MSRA: variants seen among roughly 807,000 people sequenced by gnomAD.
MSRA encodes mitochondrial peptide methionine sulfoxide reductase.
Under a neutral mutation model 31.3 loss-of-function variants are expected in MSRA, and 54 were observed. The observed-to-expected ratio is 1.73, with a 90% CI of 1.39 to 2.17. The LOEUF (loss-of-function observed/expected upper bound fraction) is 2.17. Among genes scored for constraint, MSRA ranks in the 30% most tolerant of loss-of-function variants. MSRA has a pLI of 0.00. For missense variants in MSRA, 507 were observed against 300.9 expected, an observed-to-expected ratio of 1.69 and a Z score of -5.07; for synonymous variants, 169 against 116.5, an observed-to-expected ratio of 1.45 and a Z score of -2.90.
At chr8:10,160,194 G>T (rs944726086) in intron 1 of MSRA, among the ~76,000 whole-genome samples, 4 of 152,148 alleles carry the variant, frequency 2.6e-5, no homozygotes, top group African/African-American at 9.7e-5. Context: ...CCCAACAGGT[G>T]ATTAGAAATA....
chr8:10,372,601 C>T (rs143456840), intron 5 of MSRA, among the ~76,000 whole-genome samples: 112 of 152,262 alleles, frequency 7.4e-4, no homozygotes, highest in Admixed American at 1.2e-3. Flanking sequence ...ACCTCCCTCC[C>T]TCTCTCTTTC....
At chr8:10,076,968 A>G (rs940222869) in intron 1 of MSRA, among the ~76,000 whole-genome samples, 1 of 151,340 alleles carries the variant, frequency 6.6e-6, no homozygotes, top group Non-Finnish European at 1.5e-5. Context: ...TAATGGGTTG[A>G]TAGGTAAATG....
At chr8:10,339,903 T>A (rs1803313343) in intron 5 of MSRA, among the ~76,000 whole-genome samples, 1 of 152,116 alleles carries the variant, frequency 6.6e-6, no homozygotes. Flanking sequence ...GACCCTATGG[T>A]CTGCCCTTCT....
At chr8:10,104,814 C>T (rs1025805255) in intron 1 of MSRA, among the ~76,000 whole-genome samples, 3 of 152,138 alleles carry the variant, frequency 2.0e-5, no homozygotes, top group Non-Finnish European at 2.9e-5. Context: ...CTTTGGAATG[C>T]CCTTGGCCAA....
intron 5 of MSRA, among the ~76,000 whole-genome samples, chr8:10,404,782 G>A (rs912301482): frequency 3.3e-5 from 5 of 152,326 alleles, no homozygotes; most frequent in Middle Eastern, 3.4e-3. Context: ...TTTCCCCCAG[G>A]CCACCCACCT....
chr8:10,395,729 C>G (rs930181813), intron 5 of MSRA, among the ~76,000 whole-genome samples: 3 of 152,162 alleles, frequency 2.0e-5, no homozygotes, highest in Non-Finnish European at 2.9e-5. Context: ...CAGAAAGTAC[C>G]TTTCAGCACC....
chr8:10,289,796 T>C (rs1283858130), intron 3 of MSRA, among the ~76,000 whole-genome samples: 2 of 152,176 alleles, frequency 1.3e-5, no homozygotes, highest in African/African-American at 2.4e-5. Flanking sequence ...GAGAAACCTG[T>C]CTTTGCTTGG....
At chr8:10,427,218 G>A (rs778800031) in intron 5 of MSRA, among the ~76,000 whole-genome samples, 2 of 152,170 alleles carry the variant, frequency 1.3e-5, no homozygotes, top group Non-Finnish European at 2.9e-5. Flanking sequence ...AGAGTGGGTT[G>A]AGCCTCTGTG....
intron 1 of MSRA, among the ~76,000 whole-genome samples, chr8:10,137,797 A>G (rs1343877160): frequency 6.6e-6 from 1 of 152,198 alleles, no homozygotes; most frequent in Non-Finnish European, 1.5e-5. Flanking sequence ...CTTGAAAACC[A>G]TTATGTTAAT....
At chr8:10,064,502 A>G (rs1441311842) in intron 1 of MSRA, among the ~76,000 whole-genome samples, 1 of 152,200 alleles carries the variant, frequency 6.6e-6, no homozygotes, top group African/African-American at 2.4e-5. Context: ...TGGCATCATG[A>G]TACAGCGAAG....
chr8:10,363,165 T>G (rs1259637036), intron 5 of MSRA, among the ~76,000 whole-genome samples: 1 of 152,212 alleles, frequency 6.6e-6, no homozygotes, highest in Non-Finnish European at 1.5e-5. Flanking sequence ...CTTCAGGTCC[T>G]TGGGTACTTG....
chr8:10,149,467 C>T (rs1299969083), intron 1 of MSRA, among the ~76,000 whole-genome samples: 1 of 152,230 alleles, frequency 6.6e-6, no homozygotes, highest in East Asian at 1.9e-4. Context: ...CCTCCCTGCC[C>T]AGGCCCCTCC....
chr8:10,391,306 A>G (rs969547242), intron 5 of MSRA, among the ~76,000 whole-genome samples: 5 of 152,184 alleles, frequency 3.3e-5, no homozygotes, highest in Non-Finnish European at 5.9e-5. Context: ...GGCCCCTGAC[A>G]TATTCAATGC....
At chr8:10,196,887 T>C (rs1410237017) in intron 1 of MSRA, among the ~76,000 whole-genome samples, 1 of 152,188 alleles carries the variant, frequency 6.6e-6, no homozygotes, top group Admixed American at 6.5e-5. Flanking sequence ...AGTACCTTTA[T>C]AAACAAGAAT....
chr8:10,165,979 G>C (rs1805088116), intron 1 of MSRA, among the ~76,000 whole-genome samples: 1 of 152,212 alleles, frequency 6.6e-6, no homozygotes, highest in Non-Finnish European at 1.5e-5. Context: ...GAACTTGGCA[G>C]TGATTCCAGA....
chr8:10,381,879 C>T (rs1427897771), intron 5 of MSRA, among the ~76,000 whole-genome samples: 10 of 152,168 alleles, frequency 6.6e-5, no homozygotes, highest in Admixed American at 6.5e-4. Flanking sequence ...CTGTTCCCTG[C>T]CCCACCTCAG....
chr8:10,077,928 C>G (rs545359702), intron 1 of MSRA, among the ~76,000 whole-genome samples: 8 of 152,174 alleles, frequency 5.3e-5, no homozygotes, highest in Admixed American at 6.5e-5. Context: ...ATGTATCTCA[C>G]AGCATCTTAT....
At chr8:10,325,789 G>C (rs951923905) in intron 5 of MSRA, among the ~76,000 whole-genome samples, 3 of 152,316 alleles carry the variant, frequency 2.0e-5, no homozygotes, top group Middle Eastern at 3.4e-3. Flanking sequence ...TTTATTCACT[G>C]AGGGAAGGAG....
chr8:10,259,529 C>G (rs1798358106), intron 3 of MSRA, among the ~76,000 whole-genome samples: 1 of 152,154 alleles, frequency 6.6e-6, no homozygotes, highest in Non-Finnish European at 1.5e-5. Context: ...GCTCCTGTGG[C>G]TGGGGGTGGG....
Sources: allele counts gnomAD v4.1 joint callset (sites outside exome capture counted in the v4.1 genomes callset), GRCh38; gene constraint gnomAD v4.1.1; transcripts MANE v1.5; gene names NCBI Gene and HGNC (gene_info 2026-07-23, HGNC 2026-07-21).